Variants in FGF14 observed in about 807,000 individuals in gnomAD.
The protein encoded by FGF14 is fibroblast growth factor homologous factor 4.
Under a neutral mutation model 25.5 loss-of-function variants are expected in FGF14, and 5 were observed. The observed-to-expected ratio is 0.20, with a 90% CI of 0.10 to 0.41. The LOEUF is 0.41. FGF14 is among the 10% of genes least tolerant of loss of function. The probability of loss-of-function intolerance (pLI) is 1.00; values close to 1 mark genes in which losing one functional copy is unlikely to be tolerated. For synonymous variants in FGF14, 138 were observed against 118.3 expected, an observed-to-expected ratio of 1.17 and a Z score of -1.08; for missense variants, 222 against 320.1, an observed-to-expected ratio of 0.69 and a Z score of 2.34.
At chr13:101,884,135 A>C (rs2045872455) in intron 1 of FGF14, among the ~76,000 whole-genome samples, 2 of 150,960 alleles carry the variant, frequency 1.3e-5, no homozygotes, top group South Asian at 2.1e-4. Flanking sequence ...GTGCAAGAGC[A>C]ACACAAAAAG....
At chr13:101,826,382 T>C (rs117308694) in intron 3 of FGF14, among the ~76,000 whole-genome samples, 3 of 152,016 alleles carry the variant, frequency 2.0e-5, no homozygotes, top group African/African-American at 7.2e-5. Flanking sequence ...ATACCCACAT[T>C]GACATTAATC....
intron 1 of FGF14, among the ~76,000 whole-genome samples, chr13:102,340,450 C>A (rs1455968738): frequency 2.0e-5 from 3 of 151,222 alleles, no homozygotes; most frequent in Non-Finnish European, 4.4e-5. Flanking sequence ...TACACACACA[C>A]ACACACACAC....
chr13:101,986,136 C>T (rs1370755711), intron 1 of FGF14, among the ~76,000 whole-genome samples: 2 of 152,068 alleles, frequency 1.3e-5, no homozygotes, highest in East Asian at 3.9e-4. Context: ...TTATTTAGGT[C>T]TATTATAAGA....
At chr13:102,189,516 T>C (rs1457706725) in intron 1 of FGF14, among the ~76,000 whole-genome samples, 1 of 152,134 alleles carries the variant, frequency 6.6e-6, no homozygotes, top group Non-Finnish European at 1.5e-5. Flanking sequence ...TAGAATCCCT[T>C]ACAACATTTA....
intron 1 of FGF14, among the ~76,000 whole-genome samples, chr13:101,963,622 T>C (rs2037005762): frequency 6.6e-6 from 1 of 152,250 alleles, no homozygotes; most frequent in South Asian, 2.1e-4. Flanking sequence ...CTTTCAAGGA[T>C]ATCCATGATA....
At chr13:102,249,357 T>G (rs549810425) in intron 1 of FGF14, among the ~76,000 whole-genome samples, 1 of 151,994 alleles carries the variant, frequency 6.6e-6, no homozygotes, top group African/African-American at 2.4e-5. Context: ...AGAGCACAAG[T>G]GCTAAAAAAA....
At chr13:102,384,625 A>G (rs2139193497) in intron 1 of FGF14, among the ~76,000 whole-genome samples, 1 of 152,292 alleles carries the variant, frequency 6.6e-6, no homozygotes, top group African/African-American at 2.4e-5. Flanking sequence ...CAGAGCCACA[A>G]AAATGAAAGA....
chr13:101,761,134 T>C (rs1272901238), intron 3 of FGF14, among the ~76,000 whole-genome samples: 3 of 152,238 alleles, frequency 2.0e-5, no homozygotes, highest in Admixed American at 2.0e-4. Flanking sequence ...TTAGAGACAT[T>C]TGTCATAGTA....
intron 1 of FGF14, among the ~76,000 whole-genome samples, chr13:102,327,227 T>C (rs1286945450): frequency 2.6e-5 from 4 of 152,188 alleles, no homozygotes. Context: ...AATGTTAATA[T>C]AAAATTATAA....
chr13:101,810,191 TG>T (rs1409001498), intron 3 of FGF14, among the ~76,000 whole-genome samples: 1 of 152,170 alleles, frequency 6.6e-6, no homozygotes, highest in Non-Finnish European at 1.5e-5. Context: ...TAAGCCATAG[TG>T]TTTTCTAGTT....
intron 1 of FGF14, among the ~76,000 whole-genome samples, chr13:102,224,710 T>C (rs1346462248): frequency 6.6e-6 from 1 of 152,212 alleles, no homozygotes. Flanking sequence ...CTAAAGAAAC[T>C]ATACTACATA....
At chr13:101,987,765 A>C (rs902939220) in intron 1 of FGF14, among the ~76,000 whole-genome samples, 9 of 152,102 alleles carry the variant, frequency 5.9e-5, no homozygotes, top group Non-Finnish European at 1.3e-4. Context: ...TTTTTTAAGA[A>C]GTCATTAATT....
intron 1 of FGF14, among the ~76,000 whole-genome samples, chr13:102,042,908 C>T (rs1462953137): frequency 2.6e-5 from 4 of 152,236 alleles, no homozygotes; most frequent in East Asian, 3.9e-4. Flanking sequence ...ATATGCAGTA[C>T]CAGCAAGTGT....
intron 1 of FGF14, among the ~76,000 whole-genome samples, chr13:102,164,365 CTG>C (rs1182713064): frequency 1.3e-5 from 2 of 152,130 alleles, no homozygotes; most frequent in African/African-American, 4.8e-5. Context: ...ATATTAGACA[CTG>C]TGTTTACTGA....
intron 1 of FGF14, among the ~76,000 whole-genome samples, chr13:102,370,936 CAA>C (rs34438270): frequency 7.7e-6 from 1 of 130,438 alleles, no homozygotes. Flanking sequence ...TTCCGCATAC[CAA>C]AAAAAAAAAA....
rs567912365 is a variant in FGF14 at position 101,967,229 on chromosome 13, T to C, written c.209-91933A>G. On this transcript the variant is annotated intron_variant, in intron 1 of 4. Coordinates refer to the FGF14 transcript ENST00000376131. ...TACCGAATCAAAGTGACTTCTTCTG[T>C]TGAGTAAGAATGTCTGAGGGTGGAG... Among the ~76,000 whole-genome samples, 3 of 152,296 alleles carry C rather than the reference T, an allele frequency of 2.0e-5. No individual in the cohort carries two copies. The East Asian group carries it at 5.8e-4, about 29-fold the overall frequency.
chr13:102,218,883 T>A (rs1449013028), intron 1 of FGF14, among the ~76,000 whole-genome samples: 1 of 152,184 alleles, frequency 6.6e-6, no homozygotes, highest in Admixed American at 6.5e-5. Context: ...TTTTAACTCA[T>A]CAATTTTCAT....
chr13:101,837,568 A>C (rs1223245346), intron 3 of FGF14, among the ~76,000 whole-genome samples: 1 of 152,124 alleles, frequency 6.6e-6, no homozygotes, highest in Non-Finnish European at 1.5e-5. Flanking sequence ...ATGATGTTTT[A>C]AAGGCTTTTA....
rs1200284028 is a variant in FGF14, at chr13:101,875,177, G to C, written c.304+9C>G. The C allele has an allele frequency of 4.4e-6, 7 of 1,592,422 alleles. No individual in the cohort carries two copies. The highest frequency in any genetic ancestry group is 6.0e-6 in the Non-Finnish European group (7 of 1,160,536). On this transcript the variant is annotated intron_variant, in intron 2 of 4. Transcript: ENST00000376143. The stretch of plus-strand genomic sequence containing the variant: ...ACTATGTAACTGGTGGCCTGAGGTT[G>C]TCACTTACTAGAATTAGTGCTGTCA...
Sources: gnomAD v4.1 joint callset for allele counts (sites outside exome capture counted in the v4.1 genomes callset) on GRCh38, gnomAD v4.1.1 for gene constraint, MANE v1.5 for transcripts, NCBI Gene and HGNC (gene_info 2026-07-23, HGNC 2026-07-21) for gene names.